Variants in ZFPM1 observed in about 807,000 individuals in gnomAD.
The protein encoded by ZFPM1 is zinc finger protein ZFPM1.
A neutral mutation model predicts 46.3 loss-of-function variants in ZFPM1; 28 were observed. That is an observed-to-expected ratio of 0.60 (90% CI 0.45 to 0.83). The LOEUF is 0.83. ZFPM1 is among the 40% of genes least tolerant of loss of function. ZFPM1 has a pLI of 0.00. For missense variants in ZFPM1, 1,878 were observed against 1,432.4 expected, an observed-to-expected ratio of 1.31 and a Z score of -5.02; for synonymous variants, 957 against 675.9, an observed-to-expected ratio of 1.42 and a Z score of -6.45.
chr16:88,501,234 T>C (rs796905946), intron 3 of ZFPM1, among the ~76,000 whole-genome samples: 1 of 55,266 alleles, frequency 1.8e-5, no homozygotes, highest in South Asian at 5.9e-4. Flanking sequence ...TGTGGGTGCA[T>C]GGGCTCTCCC....
chr16:88,535,218 T>A lies in ZFPM1; in HGVS notation c.*239T>A. ...AGCCAGCAGGCACACGCAGCCAGTGTCACATCCAGCCCTGCTGTGTACACA... is the reference window on the plus strand; with the variant it reads ...AGCCAGCAGGCACACGCAGCCAGTGACACATCCAGCCCTGCTGTGTACACA... On this transcript the variant is annotated 3_prime_UTR_variant, in exon 10 of 10. Transcript: ENST00000319555. The A allele has an allele frequency of 5.1e-6, 2 of 388,692 alleles. No homozygotes were observed. Among genetic ancestry groups the A allele is most frequent in the Non-Finnish European group, 8.8e-6 (2 of 228,358 alleles). 24.1% of individuals were successfully genotyped at this position (388,692 alleles called of 1,614,324 possible). A position where few individuals can be genotyped will look rare whatever the true frequency, so the allele number is the denominator to read the frequency against.
At chr16:88,527,350 AG>A (rs2142476453) in intron 5 of ZFPM1, among the ~76,000 whole-genome samples, 2 of 152,308 alleles carry the variant, frequency 1.3e-5, no homozygotes, top group East Asian at 3.9e-4. Context: ...GTGGCCGTCC[AG>A]GAAGTCGAGG....
At chr16:88,521,653 TCCCCTGTGCTGTTCCCC>T (rs1911898074) in intron 4 of ZFPM1, among the ~76,000 whole-genome samples, 1 of 100,276 alleles carries the variant, frequency 1.0e-5, no homozygotes. Context: ...TGCTGTTCCC[TCCCCTGTGCTGTTCCCC>T]CAACCCGTGC....
At chr16:88,498,669 G>A (rs1023702666) in intron 3 of ZFPM1, among the ~76,000 whole-genome samples, 1 of 152,212 alleles carries the variant, frequency 6.6e-6, no homozygotes, top group African/African-American at 2.4e-5. Context: ...CGGTGTCCCA[G>A]GCCGAGGGCG....
At chr16:88,515,189 T>C (rs1282325471) in intron 4 of ZFPM1, among the ~76,000 whole-genome samples, 1 of 152,236 alleles carries the variant, frequency 6.6e-6, no homozygotes, top group Non-Finnish European at 1.5e-5. Flanking sequence ...TATAGAAACC[T>C]GTAAGTACGT....
chr16:88,519,130 GTGGATGGA>G (rs545032519), intron 4 of ZFPM1, among the ~76,000 whole-genome samples: 4 of 121,156 alleles, frequency 3.3e-5, no homozygotes, highest in Admixed American at 8.2e-5. Flanking sequence ...GGATGGATGG[GTGGATGGA>G]TGGATGGATG....
intron 1 of ZFPM1, among the ~76,000 whole-genome samples, chr16:88,473,927 A>G (rs1908544602): frequency 6.6e-6 from 1 of 152,038 alleles, no homozygotes; most frequent in East Asian, 1.9e-4. Flanking sequence ...CAAGGGGTTT[A>G]GTAATCGGTT....
At chr16:88,491,622 G>C (rs776570298) in intron 3 of ZFPM1, among the ~76,000 whole-genome samples, 1 of 152,216 alleles carries the variant, frequency 6.6e-6, no homozygotes, top group Non-Finnish European at 1.5e-5. Flanking sequence ...AGACGGAGAA[G>C]GCCCTGGGGG....
intron 1 of ZFPM1, among the ~76,000 whole-genome samples, chr16:88,477,612 T>C (rs1908745929): frequency 6.6e-6 from 1 of 152,162 alleles, no homozygotes; most frequent in Non-Finnish European, 1.5e-5. Flanking sequence ...GGAGGATCGC[T>C]TGAGTCTAGG....
In ZFPM1 at chr16:88,534,020, T is replaced by A; in HGVS notation, c.2062T>A (p.Cys688Ser). The change falls in exon 10 of 10, where the codon TGC (cysteine) becomes AGC (serine). Residue 688 changes from cysteine to serine, a missense_variant. Coordinates refer to ENST00000319555, the MANE Select transcript of ZFPM1 (RefSeq NM_153813.3). ...DDPSRTLCEA[C>S]NIRFSRHETY... is the part of the protein sequence containing the mutation. Reference sequence around the variant, plus strand: ...CCCCAGCCGCACGCTGTGCGAGGCCTGCAACATCCGCTTCAGCCGCCACGA... The same window carrying A: ...CCCCAGCCGCACGCTGTGCGAGGCCAGCAACATCCGCTTCAGCCGCCACGA... 7.3e-7 allele frequency: 1 copy of A among 1,367,956 alleles called. No individual in the cohort carries two copies. The highest frequency in any genetic ancestry group is 9.6e-7 in the Non-Finnish European group (1 of 1,043,954). The allele number at this position is 1,367,956 out of a possible 1,614,324, so 84.7% of individuals were successfully genotyped here.
rs755774717 is a variant in ZFPM1 at position 88,532,729 on chromosome 16, G to A, written c.1042+20G>A. ...TGAGCGGTAGGCACCGCAGGGGCCG[G>A]GGGGTGTGTGGGTCCCGCCTCCCCG... is the stretch of plus-strand genomic sequence containing the variant. On this transcript the variant is annotated intron_variant, in intron 8 of 9. Transcript: ENST00000319555. The A allele has an allele frequency of 1.2e-6, 2 of 1,612,398 alleles. No homozygotes were observed. The highest frequency in any genetic ancestry group is 1.7e-5 in the Admixed American group (1 of 59,968).
chr16:88,484,344 C>A (rs1909100726), intron 1 of ZFPM1, among the ~76,000 whole-genome samples: 2 of 152,260 alleles, frequency 1.3e-5, no homozygotes, highest in Non-Finnish European at 2.9e-5. Flanking sequence ...GGATGGGGCG[C>A]TCAGCCCTCA....
chr16:88,528,086 G>C lies in ZFPM1; in HGVS notation c.560G>C (p.Ser187Thr). Reference sequence around the variant, plus strand: ...CCGGTGCCTGCGGGGGGACTCCTGAGCGTGCTCCTCACGGCCGAGCCCCAC... The same window carrying C: ...CCGGTGCCTGCGGGGGGACTCCTGACCGTGCTCCTCACGGCCGAGCCCCAC... The part of the protein sequence containing the change: ...TKPVPAGGLL[S>T]VLLTAEPHST... The change falls in exon 6 of 10, where the codon AGC becomes ACC. Residue 187 changes from serine to threonine, a missense_variant. Transcript: ENST00000319555. 1 of 1,572,104 alleles carries C rather than the reference G, an allele frequency of 6.4e-7. No homozygotes were observed. Among genetic ancestry groups the C allele is most frequent in the Non-Finnish European group, 8.6e-7 (1 of 1,159,232 alleles).
Position 88,526,816 on chromosome 16 carries a change from C to T in ZFPM1, c.405C>T (p.Ser135=). Reference sequence around the variant, plus strand: ...GTGTTCCTACCCTCCCCCCCCAGAGCCCAGCCCTGACCCTGCTGCTGGTGG... The same window carrying T: ...GTGTTCCTACCCTCCCCCCCCAGAGTCCAGCCCTGACCCTGCTGCTGGTGG... ...RASSPRQAEP[S]PALTLLLVDE... is the part of the protein sequence containing the mutation. Residue 135 remains serine (S), a splice_region_variant and synonymous_variant, in exon 5 of 10, where the codon AGC becomes AGT. Transcript: ENST00000319555. 1 of 1,549,438 alleles carries T rather than the reference C, an allele frequency of 6.5e-7. No individual in the cohort carries two copies. Among genetic ancestry groups the T allele is most frequent in the Non-Finnish European group, 8.7e-7 (1 of 1,145,676 alleles).
intron 1 of ZFPM1, 119 bp from the exon 2 acceptor site, chr16:88,485,819 AC>A: frequency 1.2e-6 from 1 of 839,632 alleles, no homozygotes; most frequent in Admixed American, 2.2e-5. Flanking sequence ...GATGACCCTC[AC>A]CCCCACCCAT....
intron 3 of ZFPM1, among the ~76,000 whole-genome samples, chr16:88,493,421 G>A (rs1345845497): frequency 3.4e-5 from 5 of 145,446 alleles, no homozygotes; most frequent in African/African-American, 5.2e-5. Flanking sequence ...CCCGGGGTGC[G>A]GGGAGCTGTC....
intron 1 of ZFPM1, among the ~76,000 whole-genome samples, chr16:88,470,227 G>T (rs1164991088): frequency 1.3e-5 from 2 of 152,228 alleles, no homozygotes; most frequent in South Asian, 2.1e-4. Flanking sequence ...CTCCTGCGGG[G>T]TCCTTGCTGT....
rs538681850 is a variant in ZFPM1 at position 88,486,039 on chromosome 16, C to T, written c.141C>T (p.Ser47=). ...ATAPEAPSPP[S]ADVNSPPPLP... is the part of the protein sequence containing the mutation. ...CACCTGAAGCCCCGAGCCCTCCCAG[C>T]GCAGGTGAGTCAGACTGAGCCCTCT... Residue 47 remains serine (S), a synonymous_variant, in exon 2 of 10, where the codon AGC becomes AGT. Coordinates refer to ENST00000319555, the MANE Select transcript of ZFPM1 (RefSeq NM_153813.3). 5.0e-6 allele frequency: 8 copies of T among 1,611,262 alleles called. No individual in the cohort carries two copies. In the African/African-American group the frequency reaches 6.7e-5, roughly 13 times the overall value.
rs186048030 is a variant in ZFPM1, at chr16:88,471,008, G to A, written c.41-14931G>A. Among the ~76,000 whole-genome samples, 8 of 152,266 alleles carry A rather than the reference G, an allele frequency of 5.3e-5. No homozygotes were observed. Among genetic ancestry groups the A allele is most frequent in the East Asian group, 1.9e-4 (1 of 5,186 alleles). On this transcript the variant is annotated intron_variant, in intron 1 of 9. Transcript: ENST00000319555. The surrounding 1 kb of genome is among the most constrained non-coding windows in gnomAD (Gnocchi z 4.1). ...CAGCTCAGATGCCAGTACCTCACCC[G>A]GTGGGGTCCAGCCTCCGCGACAGGC...
Sources: gnomAD v4.1 joint callset for allele counts (sites outside exome capture counted in the v4.1 genomes callset) on GRCh38, gnomAD v4.1.1 for gene constraint, Gnocchi (gnomAD v3.1) non-coding constraint, MANE v1.5 for transcripts, NCBI Gene and HGNC (gene_info 2026-07-23, HGNC 2026-07-21) for gene names.